Variants in MLLT3 observed in about 807,000 individuals in gnomAD.
MLLT3 encodes the protein MLLT3 super elongation complex subunit.
In MLLT3, 4 loss-of-function variants were observed where a neutral mutation model predicts 53.2. The ratio of observed to expected loss-of-function variants is 0.08; its 90% CI spans 0.04 to 0.17. The LOEUF (loss-of-function observed/expected upper bound fraction) is 0.17. MLLT3 is among the 10% of genes least tolerant of loss of function. The pLI is 1.00. For synonymous variants in MLLT3, 283 were observed against 230.6 expected (o/e 1.23, Z -2.06); for missense variants, 569 against 684.0 (o/e 0.83, Z 1.87).
At chr9:20,398,192 C>T (rs1255625714) in intron 5 of MLLT3, among the ~76,000 whole-genome samples, 1 of 151,972 alleles carries the variant, frequency 6.6e-6, no homozygotes, top group Non-Finnish European at 1.5e-5. Context: ...AACTCCTAGG[C>T]TCAAGTAATC....
At chr9:20,363,834 T>C (rs943390947) in intron 6 of MLLT3, among the ~76,000 whole-genome samples, 1 of 152,232 alleles carries the variant, frequency 6.6e-6, no homozygotes, top group Non-Finnish European at 1.5e-5. Flanking sequence ...GAATCTCTAT[T>C]TTCTAGGAAT....
At chr9:20,527,457 T>C (rs754227292) in intron 2 of MLLT3, among the ~76,000 whole-genome samples, 16 of 152,276 alleles carry the variant, frequency 1.1e-4, no homozygotes, top group Non-Finnish European at 1.9e-4. Flanking sequence ...AGACCTTACT[T>C]AACACTTCAA....
chr9:20,574,103 C>T (rs1409574870), intron 2 of MLLT3, among the ~76,000 whole-genome samples: 1 of 152,184 alleles, frequency 6.6e-6, no homozygotes, highest in African/African-American at 2.4e-5. Context: ...CTGGACACTA[C>T]ATCCAGGGTC....
At chr9:20,415,518 A>G in intron 4 of MLLT3, 1 of 728,494 alleles carries the variant, frequency 1.4e-6, no homozygotes, top group Non-Finnish European at 1.7e-6. Context: ...ATCAATACTA[A>G]AAGAAGAGCT....
At chr9:20,556,648 A>G (rs1407378357) in intron 2 of MLLT3, among the ~76,000 whole-genome samples, 1 of 152,144 alleles carries the variant, frequency 6.6e-6, no homozygotes, top group Non-Finnish European at 1.5e-5. Flanking sequence ...GCACCACTGC[A>G]CTCCAGCCTG....
chr9:20,559,024 A>AGGGTAGAC, intron 2 of MLLT3, among the ~76,000 whole-genome samples: 1 of 152,124 alleles, frequency 6.6e-6, no homozygotes, highest in Non-Finnish European at 1.5e-5. Context: ...CTGTAGCACA[A>AGGGTAGAC]TGGTTGTTTT....
intron 4 of MLLT3, among the ~76,000 whole-genome samples, chr9:20,436,887 A>C (rs942094205): frequency 2.0e-5 from 3 of 152,156 alleles, no homozygotes; most frequent in Non-Finnish European, 4.4e-5. Flanking sequence ...GGTTTTTCCT[A>C]AACAGCAGTC....
At chr9:20,367,175 T>A (rs1821478505) in intron 5 of MLLT3, among the ~76,000 whole-genome samples, 2 of 152,072 alleles carry the variant, frequency 1.3e-5, no homozygotes, top group African/African-American at 4.8e-5. Flanking sequence ...CCCCAATCTC[T>A]TACGCTCTAT....
chr9:20,501,031 C>G (rs1203547682), intron 2 of MLLT3, among the ~76,000 whole-genome samples: 1 of 152,168 alleles, frequency 6.6e-6, no homozygotes, highest in Non-Finnish European at 1.5e-5. Context: ...CACACATGCA[C>G]ACACATGTGC....
chr9:20,515,451 T>G (rs753228527), intron 2 of MLLT3, among the ~76,000 whole-genome samples: 1 of 152,138 alleles, frequency 6.6e-6, no homozygotes, highest in Non-Finnish European at 1.5e-5. Flanking sequence ...TCTTTCCCTC[T>G]TGGGCTTGAA....
At chr9:20,354,938 G>C (rs924250182) in intron 8 of MLLT3, 59 bp from the exon 9 acceptor site, 12 of 1,253,542 alleles carry the variant, frequency 9.6e-6, no homozygotes, top group Admixed American at 5.1e-5. Flanking sequence ...TAGCTAACCA[G>C]CCACCTAAAC....
At chr9:20,586,531 A>G (rs547214278) in intron 2 of MLLT3, among the ~76,000 whole-genome samples, 12 of 152,294 alleles carry the variant, frequency 7.9e-5, no homozygotes, top group African/African-American at 2.2e-4. Context: ...CTCCTTAAAA[A>G]TAAGTTCAAC....
chr9:20,416,777 AACAAAAGAGG>A (rs1389031656), intron 4 of MLLT3, among the ~76,000 whole-genome samples: 2 of 152,102 alleles, frequency 1.3e-5, no homozygotes, highest in African/African-American at 4.8e-5. Flanking sequence ...AAGCTAAGAG[AACAAAAGAGG>A]ACAAACACAT....
chr9:20,512,947 C>T (rs557085463), intron 2 of MLLT3, among the ~76,000 whole-genome samples: 5 of 152,334 alleles, frequency 3.3e-5, no homozygotes, highest in African/African-American at 1.2e-4. Context: ...CGGTATAGGA[C>T]AATTCAATAC....
intron 2 of MLLT3, among the ~76,000 whole-genome samples, chr9:20,542,140 T>C (rs11792012): frequency 0.2 from 30,217 of 152,092 alleles, 3,076 homozygotes; most frequent in Middle Eastern, 0.24. Flanking sequence ...AGCTGTAGAA[T>C]GGGTGTTGTG....
At chr9:20,446,747 A>G (rs1563969090) in intron 4 of MLLT3, among the ~76,000 whole-genome samples, 1 of 152,374 alleles carries the variant, frequency 6.6e-6, no homozygotes, top group South Asian at 2.1e-4. Context: ...ACTCCTGATA[A>G]CTATAAAAGG....
chr9:20,530,064 C>T (rs1172592424), intron 2 of MLLT3, among the ~76,000 whole-genome samples: 1 of 152,112 alleles, frequency 6.6e-6, no homozygotes, highest in Non-Finnish European at 1.5e-5. Flanking sequence ...TGAAATGCCT[C>T]CTATTTCAAA....
chr9:20,547,044 C>T (rs1818806489), intron 2 of MLLT3, among the ~76,000 whole-genome samples: 1 of 152,188 alleles, frequency 6.6e-6, no homozygotes, highest in Admixed American at 6.5e-5. Flanking sequence ...CTTCTTTGGC[C>T]TCTTGAATCT....
chr9:20,441,481 A>G lies in MLLT3; in HGVS notation c.420+6642T>C, dbSNP rs568537645. Among the ~76,000 whole-genome samples the G allele has an allele frequency of 1.2e-4, 19 of 152,200 alleles. No homozygotes were observed. In the South Asian group the frequency reaches 3.9e-3, roughly 32 times the overall value. On this transcript the variant is annotated intron_variant, in intron 4 of 10. Transcript: ENST00000380338. Reference sequence around the variant, plus strand: ...ATGTATGTTCCACTTTCATAACTTAATTTTCCAGAGTTTGTGGGGGGAGGT... The same window carrying G: ...ATGTATGTTCCACTTTCATAACTTAGTTTTCCAGAGTTTGTGGGGGGAGGT...
Sources: gnomAD v4.1 joint callset for allele counts (sites outside exome capture counted in the v4.1 genomes callset) on GRCh38, gnomAD v4.1.1 for gene constraint, MANE v1.5 for transcripts, NCBI Gene and HGNC (gene_info 2026-07-23, HGNC 2026-07-21) for gene names.